HDHD2: variants seen among roughly 807,000 people sequenced by gnomAD.
HDHD2 encodes haloacid dehalogenase like hydrolase domain containing 2.
HDHD2 carries 26 observed loss-of-function variants against 24.8 expected under a neutral mutation model. The ratio of observed to expected loss-of-function variants is 1.05; its 90% CI spans 0.77 to 1.45. The LOEUF is 1.45. HDHD2 is among the 40% of genes most tolerant of loss of function. The pLI is 0.00. For missense variants in HDHD2, 299 were observed against 313.4 expected, an observed-to-expected ratio of 0.95 and a Z score of 0.35; for synonymous variants, 128 against 114.9, an observed-to-expected ratio of 1.11 and a Z score of -0.73.
At chr18:47,141,369 G>C (rs937793429) in intron 1 of HDHD2, among the ~76,000 whole-genome samples, 1 of 152,182 alleles carries the variant, frequency 6.6e-6, no homozygotes, top group South Asian at 2.1e-4. Flanking sequence ...ACCATCAACA[G>C]AAGGCTAGTT....
At chr18:47,113,788 C>T (rs2063535131) in intron 5 of HDHD2, among the ~76,000 whole-genome samples, 1 of 151,660 alleles carries the variant, frequency 6.6e-6, no homozygotes, top group Non-Finnish European at 1.5e-5. Flanking sequence ...TATTGTTCAA[C>T]AACAGCCCTT....
rs77747017 is a variant in HDHD2 at position 47,119,210 on chromosome 18, A to G, written c.396-3862T>C. ...TGAGTCACTGTGGCAATGCCTCAAA[A>G]TAAGACAACAATGAAGCTTGCTGCA... is the stretch of plus-strand genomic sequence containing the variant. On this transcript the variant is annotated intron_variant, in intron 4 of 6. Transcript: ENST00000300605. Among the ~76,000 whole-genome samples, 1,247 of 152,320 alleles carry G rather than the reference A, an allele frequency of 8.2e-3. 8 individuals carry two copies. The highest frequency in any genetic ancestry group is 0.014 in the Non-Finnish European group (962 of 68,018).
intron 5 of HDHD2, among the ~76,000 whole-genome samples, chr18:47,114,925 G>T (rs72905454): frequency 6.6e-6 from 1 of 151,818 alleles, no homozygotes. Context: ...ACGCTATGGA[G>T]AAATGTCAGA....
At chr18:47,137,749 A>G (rs1351820220) in intron 1 of HDHD2, among the ~76,000 whole-genome samples, 5 of 152,042 alleles carry the variant, frequency 3.3e-5, no homozygotes, top group Admixed American at 2.6e-4. Context: ...CAATTTTATA[A>G]CTTTTTCTGC....
At chr18:47,124,624 T>C (rs966107928) in intron 4 of HDHD2, among the ~76,000 whole-genome samples, 1 of 144,148 alleles carries the variant, frequency 6.9e-6, no homozygotes, top group South Asian at 2.2e-4. Flanking sequence ...GAGAATTGCT[T>C]GAACCCGGGA....
intron 1 of HDHD2, among the ~76,000 whole-genome samples, chr18:47,139,251 G>T (rs2063796944): frequency 6.6e-6 from 1 of 151,570 alleles, no homozygotes; most frequent in Non-Finnish European, 1.5e-5. Flanking sequence ...GAGGTCAGGA[G>T]ATCGAGACCA....
At chr18:47,148,361 T>C (rs1439393140) in intron 1 of HDHD2, among the ~76,000 whole-genome samples, 1 of 152,238 alleles carries the variant, frequency 6.6e-6, no homozygotes, top group Non-Finnish European at 1.5e-5. Context: ...AAAATACTAA[T>C]ATAACCCTCA....
chr18:47,111,003 A>T (rs754075888), intron 6 of HDHD2: 69 of 985,018 alleles, frequency 7.0e-5, no homozygotes, highest in Non-Finnish European at 8.1e-5. Context: ...TATTTTCAAC[A>T]CTGGGAAGCC....
intron 6 of HDHD2, chr18:47,111,544 T>C (rs2063516364): frequency 3.0e-6 from 3 of 985,284 alleles, no homozygotes; most frequent in Admixed American, 6.2e-5. Flanking sequence ...CCAGACTTCA[T>C]TTCATTCTTC....
chr18:47,136,525 A>G (rs2063767779), intron 1 of HDHD2, 76 bp from the exon 2 acceptor site: 5 of 1,147,068 alleles, frequency 4.4e-6, no homozygotes, highest in Admixed American at 4.2e-5. Flanking sequence ...GTATTCAAAA[A>G]TATCACTCAT....
rs758828861 is a variant in HDHD2, at chr18:47,136,389, T to C, written c.51A>G (p.Thr17=). Reference sequence around the variant, plus strand: ...GCACAGCTGCATCTTCAATGTGAAGTGTGCCACTGAGATCTACCAAAACAG... The same window carrying C: ...GCACAGCTGCATCTTCAATGTGAAGCGTGCCACTGAGATCTACCAAAACAG... ...LKAVLVDLSG[T]LHIEDAAVPG... Residue 17 remains threonine, a synonymous_variant, in exon 2 of 7, where the codon ACA becomes ACG. Transcript: ENST00000300605. The C allele has an allele frequency of 3.7e-6, 6 of 1,613,308 alleles. No individual in the cohort carries two copies. In the Admixed American group the frequency reaches 8.3e-5, roughly 22 times the overall value.
chr18:47,133,073 G>A (rs1275031892), intron 3 of HDHD2, among the ~76,000 whole-genome samples: 1 of 152,000 alleles, frequency 6.6e-6, no homozygotes, highest in Non-Finnish European at 1.5e-5. Flanking sequence ...GTATACATGT[G>A]CCATGTTGGT....
rs116155336 is a variant in HDHD2, at chr18:47,142,293, T to G, written c.-10-5844A>C. Among the ~76,000 whole-genome samples, 1,223 of 151,626 alleles carry G rather than the reference T, an allele frequency of 8.1e-3. 15 individuals carry two copies. The highest frequency in any genetic ancestry group is 0.027 in the African/African-American group (1,134 of 41,438). ...TTTCATTTCATAAAAAAAAAAAAGT[T>G]TGTAGAAAAAAATTTTCTTTCCTGT... On this transcript the variant is annotated intron_variant, in intron 1 of 6. Transcript: ENST00000300605.
At chr18:47,141,748 G>A (rs1435247125) in intron 1 of HDHD2, among the ~76,000 whole-genome samples, 1 of 152,106 alleles carries the variant, frequency 6.6e-6, no homozygotes, top group Non-Finnish European at 1.5e-5. Flanking sequence ...CTTTGCTTTT[G>A]GAACTACATG....
chr18:47,136,145 C>A (rs1458188393), intron 2 of HDHD2, among the ~76,000 whole-genome samples, 194 bp downstream of exon 2: 1 of 152,104 alleles, frequency 6.6e-6, no homozygotes, highest in African/African-American at 2.4e-5. Context: ...AAAGGCCAAA[C>A]CTAATAAAGG....
At chr18:47,130,399 C>A (rs1284019268) in intron 3 of HDHD2, 71 bp from the exon 4 acceptor site, 3 of 1,008,860 alleles carry the variant, frequency 3.0e-6, no homozygotes, top group Admixed American at 4.3e-5. Context: ...AAAAAGTAGT[C>A]TTAGTCAATC....
chr18:47,149,275 C>G (rs990270767), intron 1 of HDHD2, among the ~76,000 whole-genome samples: 9 of 152,166 alleles, frequency 5.9e-5, no homozygotes, highest in Non-Finnish European at 1.2e-4. Flanking sequence ...ATACTTACAA[C>G]AAGAGATTTT....
intron 6 of HDHD2, chr18:47,110,183 C>T (rs1370586924): frequency 3.0e-6 from 3 of 985,328 alleles, no homozygotes; most frequent in Non-Finnish European, 3.6e-6. Flanking sequence ...GCCAGACAAA[C>T]ACAAAGCCTG....
intron 4 of HDHD2, among the ~76,000 whole-genome samples, chr18:47,126,552 G>A (rs548166178): frequency 5.3e-5 from 8 of 152,006 alleles, no homozygotes; most frequent in Admixed American, 4.6e-4. Flanking sequence ...AGCAATTATG[G>A]GAAGAATGTT....
Sources: allele counts gnomAD v4.1 joint callset (sites outside exome capture counted in the v4.1 genomes callset), GRCh38; gene constraint gnomAD v4.1.1; transcripts MANE v1.5; gene names NCBI Gene and HGNC (gene_info 2026-07-23, HGNC 2026-07-21).